Variants in PCDH15 observed in about 807,000 individuals in gnomAD.
PCDH15 encodes protocadherin related 15.
PCDH15 carries 129 observed loss-of-function variants against 178.5 expected under a neutral mutation model. That is an observed-to-expected ratio of 0.72 (90% CI 0.63 to 0.84). The LOEUF (loss-of-function observed/expected upper bound fraction) is 0.84. Ranked by LOEUF, PCDH15 falls within the 40% of genes least tolerant of loss-of-function variation. The pLI is 0.00. For missense variants in PCDH15, 2,230 were observed against 2,099.9 expected (o/e 1.06, Z -1.21); for synonymous variants, 800 against 732.0 (o/e 1.09, Z -1.50).
rs181436684 is a variant in PCDH15, at chr10:53,909,702, C to T, written c.3374-6332G>A. On this transcript the variant is annotated intron_variant, in intron 25 of 37. Transcript: ENST00000644397. ...GAGGGCAAGCCAAAGCACGGTGGGA[C>T]ATCACATCACCCAGGAAGCAAAAGG... Among the ~76,000 whole-genome samples the T allele has an allele frequency of 2.9e-3, 449 of 152,262 alleles. 2 individuals are homozygous for T. Among genetic ancestry groups the T allele is most frequent in the Admixed American group, 8.2e-3 (125 of 15,304 alleles).
intron 20 of PCDH15, among the ~76,000 whole-genome samples, chr10:54,002,886 G>T (rs910682297): frequency 2.0e-5 from 3 of 152,156 alleles, no homozygotes; most frequent in Non-Finnish European, 4.4e-5. Flanking sequence ...AGCCACCACA[G>T]CCAGCAGTGG....
chr10:53,942,111 T>C (rs1476128703), intron 23 of PCDH15, among the ~76,000 whole-genome samples: 2 of 152,226 alleles, frequency 1.3e-5, no homozygotes, highest in Admixed American at 1.3e-4. Flanking sequence ...TATCTAAATG[T>C]AAAGCAGTCT....
intron 3 of PCDH15, among the ~76,000 whole-genome samples, chr10:54,848,038 A>G (rs1296116352): frequency 6.6e-6 from 1 of 152,192 alleles, no homozygotes; most frequent in African/African-American, 2.4e-5. Flanking sequence ...GAGGTGACTG[A>G]ATCATGAGGG....
intron 1 of PCDH15, among the ~76,000 whole-genome samples, chr10:54,763,753 AATAT>A (rs36090343): frequency 6.8e-6 from 1 of 146,254 alleles, no homozygotes; most frequent in African/African-American, 2.5e-5. Context: ...GTACTATATA[AATAT>A]ATATATATAT....
intron 23 of PCDH15, among the ~76,000 whole-genome samples, chr10:53,957,163 A>G (rs1186494667): frequency 1.3e-5 from 2 of 152,144 alleles, no homozygotes; most frequent in African/African-American, 4.8e-5. Context: ...GCAATATATC[A>G]CTTTCTTCTC....
At chr10:54,435,591 C>T (rs1382047816) in intron 3 of PCDH15, among the ~76,000 whole-genome samples, 3 of 152,130 alleles carry the variant, frequency 2.0e-5, no homozygotes, top group Non-Finnish European at 4.4e-5. Flanking sequence ...CACAAGTCTT[C>T]CAAGCTTATT....
intron 1 of PCDH15, among the ~76,000 whole-genome samples, chr10:54,746,981 C>A (rs12769222): frequency 0.01 from 1,552 of 152,222 alleles, 12 homozygotes; most frequent in Non-Finnish European, 0.017. Context: ...TTTCAACTTA[C>A]AATGGTTTTA....
In PCDH15 at chr10:54,888,656, A is replaced by C. The variant is rs545401819; in HGVS notation, c.-29+8794T>G. 3.3e-5 allele frequency among the ~76,000 whole-genome samples: 5 copies of C among 152,034 alleles called. No individual in the cohort carries two copies. The South Asian group carries it at 1.0e-3, about 32-fold the overall frequency. ...AAAATTGTGTAATTTTAGTAGTTTTAGAAATTCTAATAGATGTGTGGTGGT... is the reference window on the plus strand; with the variant it reads ...AAAATTGTGTAATTTTAGTAGTTTTCGAAATTCTAATAGATGTGTGGTGGT... On this transcript the variant is annotated intron_variant, in intron 3 of 5. Transcript: ENST00000458638.
At chr10:55,098,736 A>C (rs1286906129) in intron 2 of PCDH15, among the ~76,000 whole-genome samples, 6 of 152,028 alleles carry the variant, frequency 3.9e-5, no homozygotes, top group Admixed American at 3.9e-4. Flanking sequence ...TGTAAATCAG[A>C]CACCGCCTCC....
chr10:54,434,564 A>G (rs1356247606), intron 3 of PCDH15, among the ~76,000 whole-genome samples: 2 of 152,228 alleles, frequency 1.3e-5, no homozygotes, highest in East Asian at 3.8e-4. Context: ...AAGCTATACC[A>G]TATAGCAGAG....
intron 2 of PCDH15, among the ~76,000 whole-genome samples, chr10:54,566,610 G>A (rs2089072119): frequency 6.6e-6 from 1 of 152,092 alleles, no homozygotes; most frequent in Middle Eastern, 3.4e-3. Flanking sequence ...TTGTCATATT[G>A]CCTTTTTCCA....
intron 1 of PCDH15, among the ~76,000 whole-genome samples, chr10:55,169,994 AGG>A: frequency 6.6e-6 from 1 of 152,138 alleles, no homozygotes; most frequent in African/African-American, 2.4e-5. Context: ...AAAGGAAGGA[AGG>A]AAGGAAGGAA....
chr10:53,834,384 C>T (rs2077183503), intron 29 of PCDH15, among the ~76,000 whole-genome samples: 1 of 151,628 alleles, frequency 6.6e-6, no homozygotes, highest in African/African-American at 2.4e-5. Context: ...CCCTCTGGGT[C>T]ATCAGGTTAT....
At chr10:54,946,999 A>G (rs1157563185) in intron 2 of PCDH15, among the ~76,000 whole-genome samples, 23 of 151,932 alleles carry the variant, frequency 1.5e-4, no homozygotes, top group Admixed American at 1.5e-3. Context: ...AACACAAATA[A>G]ACAAAATGTT....
intron 2 of PCDH15, among the ~76,000 whole-genome samples, chr10:54,907,995 A>G (rs1954753988): frequency 6.6e-6 from 1 of 152,174 alleles, no homozygotes; most frequent in Non-Finnish European, 1.5e-5. Context: ...GAGAAACCCA[A>G]TCCAGAACTT....
intron 17 of PCDH15, among the ~76,000 whole-genome samples, chr10:54,069,796 A>G (rs2094205158): frequency 1.3e-5 from 2 of 152,320 alleles, no homozygotes; most frequent in South Asian, 4.1e-4. Flanking sequence ...TTATTAAGGA[A>G]AGACTTCTTT....
intron 6 of PCDH15, among the ~76,000 whole-genome samples, chr10:54,335,083 T>C (rs1940787979): frequency 6.6e-6 from 1 of 152,196 alleles, no homozygotes; most frequent in Non-Finnish European, 1.5e-5. Context: ...GTTATTGTCA[T>C]TGTTTGTGTG....
At chr10:54,508,729 G>A (rs1256507214) in intron 3 of PCDH15, among the ~76,000 whole-genome samples, 6 of 152,024 alleles carry the variant, frequency 3.9e-5, no homozygotes, top group African/African-American at 1.4e-4. Flanking sequence ...ATTAATCGCC[G>A]GATGATGGAG....
chr10:54,921,094 C>T (rs182914612), intron 2 of PCDH15, among the ~76,000 whole-genome samples: 315 of 152,186 alleles, frequency 2.1e-3, no homozygotes, highest in Non-Finnish European at 3.8e-3. Flanking sequence ...AAATGATGCC[C>T]TCTTTCACAC....
Sources: gnomAD v4.1 joint callset for allele counts (sites outside exome capture counted in the v4.1 genomes callset) on GRCh38, gnomAD v4.1.1 for gene constraint, MANE v1.5 for transcripts, NCBI Gene and HGNC (gene_info 2026-07-23, HGNC 2026-07-21) for gene names.